The following SKAP2 variants were observed in gnomAD, a reference collection of about 807,000 sequenced individuals.
SKAP2 encodes src kinase associated phosphoprotein 2.
In SKAP2, 28 loss-of-function variants were observed where a neutral mutation model predicts 54.9. The observed-to-expected ratio is 0.51, with a 90% confidence interval of 0.38 to 0.70. SKAP2 has a LOEUF of 0.70. Ranked by LOEUF, SKAP2 falls within the 30% of genes least tolerant of loss-of-function variation. The pLI is 0.00. For synonymous variants in SKAP2, 137 were observed against 134.3 expected (o/e 1.02, Z -0.14); for missense variants, 356 against 424.1 (o/e 0.84, Z 1.41).
chr7:26,704,812 C>T (rs1013834020), intron 9 of SKAP2, among the ~76,000 whole-genome samples: 10 of 152,126 alleles, frequency 6.6e-5, no homozygotes, highest in African/African-American at 2.2e-4. Context: ...CTTCAAAGTA[C>T]GTAAGAATAA....
chr7:26,741,009 A>G (rs556999329), intron 4 of SKAP2, among the ~76,000 whole-genome samples: 3 of 152,096 alleles, frequency 2.0e-5, no homozygotes, highest in South Asian at 2.1e-4. Context: ...AAAGAAATAT[A>G]ATAGTTATCC....
intron 3 of SKAP2, among the ~76,000 whole-genome samples, chr7:26,851,578 G>A (rs927591563): frequency 1.3e-5 from 2 of 152,048 alleles, no homozygotes; most frequent in African/African-American, 2.4e-5. Flanking sequence ...GGGTGGTGGG[G>A]GTGGGGAGGG....
intron 11 of SKAP2, among the ~76,000 whole-genome samples, chr7:26,679,505 C>A (rs1437192401): frequency 4.6e-5 from 7 of 152,108 alleles, no homozygotes; most frequent in African/African-American, 1.7e-4. Flanking sequence ...TAAATGTCAT[C>A]GGAGCAAACA....
chr7:26,666,184 C>T (rs1438875472), downstream of SKAP2, among the ~76,000 whole-genome samples: 1 of 151,974 alleles, frequency 6.6e-6, no homozygotes, highest in African/African-American at 2.4e-5. Flanking sequence ...GTCTATAACT[C>T]CAACAAATGA....
At chr7:26,841,602 T>C (rs1239377425) in intron 4 of SKAP2, among the ~76,000 whole-genome samples, 1 of 151,980 alleles carries the variant, frequency 6.6e-6, no homozygotes, top group African/African-American at 2.4e-5. Context: ...CCAAAACACA[T>C]ATGGCTTGGG....
chr7:26,665,220 A>C (rs973783809), downstream of SKAP2, among the ~76,000 whole-genome samples: 3 of 152,186 alleles, frequency 2.0e-5, no homozygotes, highest in Non-Finnish European at 4.4e-5. Flanking sequence ...CTGGAAAGTG[A>C]AAGTAGATCA....
the SKAP2 span, among the ~76,000 whole-genome samples, chr7:26,661,546 A>G: frequency 6.6e-6 from 1 of 152,160 alleles, no homozygotes; most frequent in Admixed American, 6.6e-5. Flanking sequence ...GTTTATTTAG[A>G]AACTTTATAG....
At chr7:26,818,741 C>A (rs1784323553) in intron 4 of SKAP2, among the ~76,000 whole-genome samples, 1 of 151,878 alleles carries the variant, frequency 6.6e-6, no homozygotes, top group Non-Finnish European at 1.5e-5. Context: ...AAAAAACAAC[C>A]CCATCAAAAA....
At chr7:26,722,889 T>A (rs1787609347) in intron 9 of SKAP2, among the ~76,000 whole-genome samples, 2 of 152,248 alleles carry the variant, frequency 1.3e-5, no homozygotes, top group African/African-American at 4.8e-5. Context: ...TACATTTGTA[T>A]ACCTCATCTT....
chr7:26,808,495 T>C (rs562281671), intron 4 of SKAP2, among the ~76,000 whole-genome samples: 2 of 152,290 alleles, frequency 1.3e-5, no homozygotes, highest in Admixed American at 6.5e-5. Context: ...TACTGTTTAA[T>C]GGATACAGAG....
At chr7:26,742,402 G>A (rs1239233675) in intron 4 of SKAP2, 1 of 152,182 alleles carries the variant, frequency 6.6e-6, no homozygotes, top group East Asian at 1.9e-4. Flanking sequence ...AGAGAGATGG[G>A]AAGAAGGGAG....
Position 26,823,425 on chromosome 7 carries a change from CAA to C in SKAP2, c.307+20603_307+20604del, listed in dbSNP as rs60207927. ...TCGGCAACAGAGTGAGACTTTGTCT[CAA>C]AAAAAAAAAAAAAAAAAACAAGCAA... On this transcript the variant is annotated intron_variant, in intron 4 of 12. Coordinates refer to ENST00000345317, the MANE Select transcript of SKAP2 (RefSeq NM_003930.5). Among the ~76,000 whole-genome samples the C allele has an allele frequency of 9.5e-4, 89 of 93,976 alleles. 2 individuals carry two copies. Among genetic ancestry groups the C allele is most frequent in the African/African-American group, 3.5e-3 (78 of 22,200 alleles). 61.7% of individuals were successfully genotyped at this position (93,976 alleles called of 152,430 possible).
chr7:26,810,443 T>C (rs1447761671), intron 4 of SKAP2, among the ~76,000 whole-genome samples: 1 of 152,132 alleles, frequency 6.6e-6, no homozygotes, highest in Non-Finnish European at 1.5e-5. Context: ...GAGATGCTAG[T>C]CCAAGGATAC....
chr7:26,660,694 A>C, the SKAP2 span, among the ~76,000 whole-genome samples: 2 of 152,102 alleles, frequency 1.3e-5, no homozygotes, highest in African/African-American at 4.8e-5. Context: ...TAAACACATT[A>C]TAAAAGTAAT....
At chr7:26,858,628 C>T (rs927449549) in intron 1 of SKAP2, among the ~76,000 whole-genome samples, 29 of 151,962 alleles carry the variant, frequency 1.9e-4, no homozygotes, top group African/African-American at 6.5e-4. Context: ...ACATATAGAC[C>T]TCCTAAAAAA....
intron 4 of SKAP2, among the ~76,000 whole-genome samples, chr7:26,766,161 T>C (rs1269003653): frequency 5.3e-5 from 8 of 152,216 alleles, no homozygotes; most frequent in Non-Finnish European, 1.2e-4. Flanking sequence ...CAGTGGTTTG[T>C]AGTTCTCCTT....
chr7:26,833,397 C>CAAAAAA (rs1218013639), intron 4 of SKAP2, among the ~76,000 whole-genome samples: 8 of 85,148 alleles, frequency 9.4e-5, no homozygotes, highest in African/African-American at 3.2e-4. Context: ...GACTCCGTCT[C>CAAAAAA]AAAAAAAAAA....
chr7:26,719,302 T>C lies in SKAP2; in HGVS notation c.796+6126A>G, dbSNP rs554699449. Among the ~76,000 whole-genome samples, 127 of 152,320 alleles carry C rather than the reference T, an allele frequency of 8.3e-4. 1 individual carries two copies. The highest frequency in any genetic ancestry group is 2.7e-3 in the African/African-American group (112 of 41,580). ...AGTGAGCTCCTCTTCACGGATCCCC[T>C]TGGAGGGCTGCCTCCAAGACTTCCC... is the stretch of plus-strand genomic sequence containing the variant. On this transcript the variant is annotated intron_variant, in intron 9 of 12. Transcript: ENST00000345317.
chr7:26,849,135 A>G (rs769842421), intron 3 of SKAP2, among the ~76,000 whole-genome samples: 1 of 152,204 alleles, frequency 6.6e-6, no homozygotes, highest in Non-Finnish European at 1.5e-5. Context: ...AAAGGAAATT[A>G]AACATCATCC....
Sources: gnomAD v4.1 joint callset for allele counts (sites outside exome capture counted in the v4.1 genomes callset) on GRCh38, gnomAD v4.1.1 for gene constraint, MANE v1.5 for transcripts, NCBI Gene and HGNC (gene_info 2026-07-23, HGNC 2026-07-21) for gene names.